Variants in RABL6 observed in about 807,000 individuals in gnomAD.
RABL6 encodes RAB, member RAS oncogene family like 6, also known as rab-like protein 6.
In RABL6, 28 loss-of-function variants were observed where a neutral mutation model predicts 72.9. The observed-to-expected ratio is 0.38, with a 90% confidence interval of 0.28 to 0.53. RABL6 has a LOEUF of 0.53. Ranked by LOEUF, RABL6 falls within the 20% of genes least tolerant of loss-of-function variation. The pLI is 0.80. For missense variants in RABL6, 1,029 were observed against 1,008.4 expected, an observed-to-expected ratio of 1.02 and a Z score of -0.28; for synonymous variants, 477 against 421.2, an observed-to-expected ratio of 1.13 and a Z score of -1.62.
At chr9:136,833,990 C>T (rs1321456604) in intron 7 of RABL6, 2 of 1,520,060 alleles carry the variant, frequency 1.3e-6, no homozygotes, top group Non-Finnish European at 1.8e-6. Context: ...TCCAAAGCCT[C>T]CCAGGGAGAG....
Position 136,840,575 on chromosome 9 carries a change from G to C in RABL6, c.*53G>C, listed in dbSNP as rs971806923. 3.2e-6 allele frequency: 5 copies of C among 1,548,630 alleles called. No homozygotes were observed. In the South Asian group the frequency reaches 3.6e-5, roughly 11 times the overall value. ...GCGGGGGGCGTGCCTGTCACTGCCT[G>C]GGGAGGCATTTGCCTCTGTACCATC... On this transcript the variant is annotated 3_prime_UTR_variant, in exon 15 of 15. Transcript: ENST00000311502.
At chr9:136,833,142 G>C (rs1387699840) in intron 7 of RABL6, 1 of 234,204 alleles carries the variant, frequency 4.3e-6, no homozygotes, top group Admixed American at 6.1e-5. Flanking sequence ...CCCCGCCTGG[G>C]TCTGGGGACC....
Position 136,815,577 on chromosome 9 carries a change from A to C in RABL6, c.130+7251A>C, listed in dbSNP as rs1435592910. Reference sequence around the variant, plus strand: ...GATGGGAAATCTTTGCAGGGTGCAGAGTGGGAGAGGAGCAAGGTGTGGCTG... The same window carrying C: ...GATGGGAAATCTTTGCAGGGTGCAGCGTGGGAGAGGAGCAAGGTGTGGCTG... On this transcript the variant is annotated intron_variant, in intron 1 of 14. Transcript: ENST00000311502. 2.1e-5 allele frequency: 4 copies of C among 190,304 alleles called. No individual in the cohort carries two copies. The East Asian group carries it at 7.0e-4, about 33-fold the overall frequency. 11.8% of individuals were successfully genotyped at this position (190,304 alleles called of 1,614,324 possible). A position where few individuals can be genotyped will look rare whatever the true frequency, so the allele number is the denominator to read the frequency against.
At chr9:136,840,038 A>G (rs1848660317) in intron 13 of RABL6, 116 bp from the exon 14 acceptor site, 2 of 1,515,014 alleles carry the variant, frequency 1.3e-6, no homozygotes, top group African/African-American at 2.7e-5. Flanking sequence ...GTCCATCAGC[A>G]GGGCCTCCTG....
intron 4 of RABL6, 151 bp from the exon 5 acceptor site, chr9:136,829,242 A>T: frequency 1.5e-6 from 1 of 661,452 alleles, no homozygotes; most frequent in Non-Finnish European, 2.7e-6. Context: ...ACCTATGTTT[A>T]GCTATCCCAT....
rs1848234070 is a variant in RABL6, at chr9:136,821,420, G to C, written c.131-2105G>C. 8.1e-6 allele frequency: 8 copies of C among 985,460 alleles called. No individual in the cohort carries two copies. The South Asian group carries it at 2.8e-4, about 35-fold the overall frequency. The allele number at this position is 985,460 out of a possible 1,614,324, so 61.0% of individuals were successfully genotyped here. On this transcript the variant is annotated intron_variant, in intron 1 of 14. Coordinates refer to ENST00000311502, the MANE Select transcript of RABL6 (RefSeq NM_024718.5). ...GCCGCCTGAGCGGTGCCGGGGCGGG[G>C]AGGCAGGGCCGCCGCTCAGGCCGTG...
In RABL6 at chr9:136,808,335, G is replaced by C; in HGVS notation, c.130+9G>C. 1 of 1,515,478 alleles carries C rather than the reference G, an allele frequency of 6.6e-7. No individual in the cohort carries two copies. The highest frequency in any genetic ancestry group is 8.8e-7 in the Non-Finnish European group (1 of 1,132,854). The allele number at this position is 1,515,478 out of a possible 1,614,324, so 93.9% of individuals were successfully genotyped here. A position where few individuals can be genotyped will look rare whatever the true frequency, so the allele number is the denominator to read the frequency against. ...GGGGGTGCAGTACAACAGTGAGTGCGGCGGGCCGGGGGGGCGCGGGAGCGC... is the reference window on the plus strand; with the variant it reads ...GGGGGTGCAGTACAACAGTGAGTGCCGCGGGCCGGGGGGGCGCGGGAGCGC... On this transcript the variant is annotated intron_variant, in intron 1 of 14. Coordinates refer to ENST00000311502, the MANE Select transcript of RABL6 (RefSeq NM_024718.5).
At chr9:136,831,914 G>A (rs139987410) in intron 6 of RABL6, 53 bp downstream of exon 6, 92 of 1,552,802 alleles carry the variant, frequency 5.9e-5, no homozygotes, top group African/African-American at 6.7e-5. Context: ...TCCGGTGTGC[G>A]GGGGAGGGTG....
chr9:136,809,377 G>C (rs1480253218), intron 1 of RABL6: 1 of 228,342 alleles, frequency 4.4e-6, no homozygotes, highest in East Asian at 1.6e-4. Context: ...CGGCCTGTGA[G>C]CAAGAGGAAG....
intron 3 of RABL6, chr9:136,827,340 C>T (rs775399533): frequency 2.0e-5 from 3 of 152,216 alleles, no homozygotes; most frequent in Non-Finnish European, 4.4e-5. Context: ...GAGAGGAAGC[C>T]GAGGCCATCA....
chr9:136,821,459 C>T (rs1848235140), intron 1 of RABL6: 2 of 985,256 alleles, frequency 2.0e-6, no homozygotes, highest in Non-Finnish European at 1.2e-6. Context: ...CTCGGGGCCG[C>T]GGGACGGACG....
intron 1 of RABL6, among the ~76,000 whole-genome samples, chr9:136,816,005 G>A (rs1848112419): frequency 6.6e-6 from 1 of 152,114 alleles, no homozygotes; most frequent in Admixed American, 6.5e-5. Flanking sequence ...GGTTTTCCAG[G>A]AGAATCACTT....
At chr9:136,828,357 C>T (rs560815287) in intron 3 of RABL6, 137 bp from the exon 4 acceptor site, 20 of 804,276 alleles carry the variant, frequency 2.5e-5, no homozygotes, top group East Asian at 2.4e-4. Context: ...TGGGTGCCCA[C>T]GCTGCAGGCT....
At chr9:136,834,458 T>C (rs1225735547) in intron 7 of RABL6, 3 of 985,182 alleles carry the variant, frequency 3.0e-6, no homozygotes, top group Non-Finnish European at 3.6e-6. Flanking sequence ...GTTGTTGTTA[T>C]AGCCTGGGGA....
chr9:136,814,761 A>AAG (rs1207245335), intron 1 of RABL6: 1 of 152,564 alleles, frequency 6.6e-6, no homozygotes, highest in East Asian at 1.9e-4. Flanking sequence ...AAAAAAAAAA[A>AAG]AAAGGCACAG....
At chr9:136,813,749 G>A (rs1045742324) in intron 1 of RABL6, 3 of 194,124 alleles carry the variant, frequency 1.5e-5, no homozygotes, top group African/African-American at 7.2e-5. Flanking sequence ...CCGAGTAGCT[G>A]GGACTACAGG....
At chr9:136,836,883 T>C (rs1371786670) in intron 8 of RABL6, 5 of 322,862 alleles carry the variant, frequency 1.5e-5, no homozygotes, top group African/African-American at 1.1e-4. Context: ...TGCTGCTCTT[T>C]CTTTTTCTGA....
chr9:136,821,074 C>G (rs1193469457), intron 1 of RABL6, among the ~76,000 whole-genome samples: 2 of 152,336 alleles, frequency 1.3e-5, no homozygotes, highest in South Asian at 2.1e-4. Context: ...ATGAGCTCCC[C>G]GCGTTCATGA....
intron 2 of RABL6, among the ~76,000 whole-genome samples, chr9:136,824,832 C>T (rs1848318536): frequency 6.6e-6 from 1 of 152,190 alleles, no homozygotes; most frequent in Admixed American, 6.5e-5. Context: ...ACACAGAGCC[C>T]ACAGGGCCGG....
Sources: gnomAD v4.1 joint callset for allele counts (sites outside exome capture counted in the v4.1 genomes callset) on GRCh38, gnomAD v4.1.1 for gene constraint, MANE v1.5 for transcripts, NCBI Gene and HGNC (gene_info 2026-07-23, HGNC 2026-07-21) for gene names.